COQ8A: variants seen among roughly 807,000 people sequenced by gnomAD.
COQ8A encodes coenzyme Q8A.
A neutral mutation model predicts 65.0 loss-of-function variants in COQ8A; 51 were observed. The ratio of observed to expected loss-of-function variants is 0.78; its 90% confidence interval spans 0.63 to 0.99. The LOEUF is 0.99. COQ8A is among the 50% of genes least tolerant of loss of function. The pLI is 0.00. For synonymous variants in COQ8A, 371 were observed against 353.2 expected (o/e 1.05, Z -0.57); for missense variants, 940 against 875.0 (o/e 1.07, Z -0.94).
chr1:226,940,965 G>A (rs1434436961), intron 1 of COQ8A, among the ~76,000 whole-genome samples: 1 of 152,142 alleles, frequency 6.6e-6, no homozygotes, highest in Non-Finnish European at 1.5e-5. Context: ...TCTTCCTTTC[G>A]CTTTTCTTTG....
chr1:226,969,483 G>T (rs1158670102), intron 4 of COQ8A, among the ~76,000 whole-genome samples: 1 of 152,082 alleles, frequency 6.6e-6, no homozygotes, highest in African/African-American at 2.4e-5. Flanking sequence ...TGATCCGCCC[G>T]CCTCGGCCTC....
chr1:226,982,993 G>A lies in COQ8A; in HGVS notation c.1039G>A (p.Ala347Thr). The change falls in exon 8 of 15, where the codon GCC becomes ACC. Residue 347 changes from alanine (A) to threonine (T), a missense_variant. Transcript: ENST00000366777. The stretch of plus-strand genomic sequence containing the variant: ...CGCATCCATTGGGCAGGTGCACTTG[G>A]CCCGAATGAAGGGCGGCCGCGAGGT... ...AAASIGQVHLARMKGGREVAM... is the reference protein window; with the variant it reads ...AAASIGQVHLTRMKGGREVAM... 9 of 1,600,012 alleles carry A rather than the reference G, an allele frequency of 5.6e-6. No homozygotes were observed. The highest frequency in any genetic ancestry group is 7.7e-6 in the Non-Finnish European group (9 of 1,174,034).
intron 1 of COQ8A, 138 bp from the exon 2 acceptor site, chr1:226,961,239 T>A: frequency 1.1e-6 from 1 of 910,722 alleles, no homozygotes; most frequent in Non-Finnish European, 1.7e-6. Context: ...GGCCCTTTCT[T>A]ATCTCTTAGC....
Position 226,987,054 on chromosome 1 carries a change from G to C in COQ8A, c.*317G>C, listed in dbSNP as rs1167240748. On this transcript the variant is annotated 3_prime_UTR_variant, in exon 15 of 15. Coordinates refer to ENST00000366777, the MANE Select transcript of COQ8A (RefSeq NM_020247.5). Reference sequence around the variant, plus strand: ...ATGTGAATGTTAAGCAGAAGGGAGAGAGTCCTTACTCCCTTCCAATCTCTG... The same window carrying C: ...ATGTGAATGTTAAGCAGAAGGGAGACAGTCCTTACTCCCTTCCAATCTCTG... 2.6e-5 allele frequency: 11 copies of C among 430,750 alleles called. No individual in the cohort carries two copies. The highest frequency in any genetic ancestry group is 4.3e-5 in the Non-Finnish European group (10 of 231,600). The allele number at this position is 430,750 out of a possible 1,614,324, so 26.7% of individuals were successfully genotyped here. A position where few individuals can be genotyped will look rare whatever the true frequency, so the allele number is the denominator to read the frequency against.
Position 226,984,864 on chromosome 1 carries a change from C to T in COQ8A, c.1507-12C>T. On this transcript the variant is annotated splice_polypyrimidine_tract_variant and intron_variant, in intron 12 of 14. Coordinates refer to ENST00000366777, the MANE Select transcript of COQ8A (RefSeq NM_020247.5). ...ACCAGGGCCAAACTTCTCCTGGTGT[C>T]TCTGTCCCCAGGTGGCTCTTTTGGA... The T allele has an allele frequency of 1.2e-6, 2 of 1,614,160 alleles. No homozygotes were observed. Among genetic ancestry groups the T allele is most frequent in the African/African-American group, 2.7e-5 (2 of 75,054 alleles).
rs370884928 is a variant in COQ8A at position 226,966,822 on chromosome 1, A to C, written c.655+1085A>C. On this transcript the variant is annotated intron_variant, in intron 4 of 14. Coordinates refer to ENST00000366777, the MANE Select transcript of COQ8A (RefSeq NM_020247.5). Reference sequence around the variant, plus strand: ...ACTGGTTCTGGGCAGAGGCTCACGTACTGTGCTCCCCGAGAGCCTGGTATT... The same window carrying C: ...ACTGGTTCTGGGCAGAGGCTCACGTCCTGTGCTCCCCGAGAGCCTGGTATT... Among the ~76,000 whole-genome samples, 3 of 152,242 alleles carry C rather than the reference A, an allele frequency of 2.0e-5. No homozygotes were observed. The East Asian group carries it at 5.8e-4, about 29-fold the overall frequency.
intron 1 of COQ8A, among the ~76,000 whole-genome samples, chr1:226,948,435 C>T (rs1479902166): frequency 6.6e-6 from 1 of 152,194 alleles, no homozygotes; most frequent in Non-Finnish European, 1.5e-5. Context: ...TGCAAAGTCC[C>T]ATTTGCAGGT....
chr1:226,965,394 A>G lies in COQ8A; in HGVS notation c.572A>G (p.Lys191Arg). Residue 191 changes from lysine (K) to arginine (R), a missense_variant, in exon 3 of 15, where the codon AAG becomes AGG. By Grantham distance (26) the Lys-to-Arg change is conservative. Coordinates refer to ENST00000366777, the MANE Select transcript of COQ8A (RefSeq NM_020247.5). ...ARQAKARPEN[K>R]QHKQTLSEHA... is the part of the protein sequence containing the mutation. ...CAGGCTAAGGCTCGCCCCGAGAACA[A>G]GCAGCACAAACAGACGGTGCGTATG... 1 of 1,610,222 alleles carries G rather than the reference A, an allele frequency of 6.2e-7. No individual in the cohort carries two copies. The highest frequency in any genetic ancestry group is 8.5e-7 in the Non-Finnish European group (1 of 1,179,172).
intron 1 of COQ8A, among the ~76,000 whole-genome samples, chr1:226,947,342 AT>A (rs1657102156): frequency 6.6e-6 from 1 of 152,194 alleles, no homozygotes; most frequent in Non-Finnish European, 1.5e-5. Context: ...ATGAGCTTTA[AT>A]TATCCTATCA....
At chr1:226,955,090 C>T (rs916091780) in intron 1 of COQ8A, among the ~76,000 whole-genome samples, 8 of 151,988 alleles carry the variant, frequency 5.3e-5, no homozygotes, top group Admixed American at 3.9e-4. Context: ...CCATGGTGAA[C>T]GGTTGCTGCA....
At chr1:226,978,941 C>CCCACACACCACCTTACACACTCT (rs1659525022) in intron 5 of COQ8A, among the ~76,000 whole-genome samples, 1 of 150,284 alleles carries the variant, frequency 6.7e-6, no homozygotes, top group Non-Finnish European at 1.5e-5. Flanking sequence ...CCACCACACA[C>CCCACACACCACCTTACACACTCT]CCACACACCT....
intron 4 of COQ8A, among the ~76,000 whole-genome samples, chr1:226,976,535 C>T (rs1027142193): frequency 6.6e-6 from 1 of 152,188 alleles, no homozygotes; most frequent in African/African-American, 2.4e-5. Context: ...CCATGGTCAC[C>T]GTGCCCAGCC....
At chr1:226,962,725 A>G (rs1425563479) in intron 2 of COQ8A, among the ~76,000 whole-genome samples, 1 of 152,168 alleles carries the variant, frequency 6.6e-6, no homozygotes, top group African/African-American at 2.4e-5. Flanking sequence ...AGGATCCCAC[A>G]GTGATACAGT....
rs958011994 is a variant in COQ8A at position 226,982,680 on chromosome 1, G to A, written c.856G>A (p.Asp286Asn). The A allele has an allele frequency of 6.2e-7, 1 of 1,613,278 alleles. No homozygotes were observed. Among genetic ancestry groups the A allele is most frequent in the Non-Finnish European group, 8.5e-7 (1 of 1,179,984 alleles). ...TGTGTCATTCTCCTGCCTTCCAGAT[G>A]ATGCCTTTATCAACCCCCACCTGGC... ...KLGQMLSIQD[D>N]AFINPHLAKI... Residue 286 changes from aspartate to asparagine, a missense_variant and splice_region_variant, in exon 7 of 15, where the codon GAT (aspartate) becomes AAT (asparagine). Coordinates refer to ENST00000366777, the MANE Select transcript of COQ8A (RefSeq NM_020247.5).
Position 226,972,591 on chromosome 1 carries a change from CT to C in COQ8A, c.656-4857del, listed in dbSNP as rs2148083421. Among the ~76,000 whole-genome samples the C allele has an allele frequency of 6.6e-6, 1 of 152,310 alleles. No homozygotes were observed. The highest frequency in any genetic ancestry group is 2.1e-4 in the South Asian group (1 of 4,826). On this transcript the variant is annotated intron_variant, in intron 4 of 14. Transcript: ENST00000366777. The surrounding 1 kb of genome is among the most constrained non-coding windows in gnomAD (Gnocchi z 4.3). ...TGTTAGAAAACAGGCATTGCTTAGG[CT>C]GTTGGCTCTTGTTGCTTAATTTCCC...
chr1:226,947,309 C>T (rs1657097741), intron 1 of COQ8A, among the ~76,000 whole-genome samples: 1 of 152,088 alleles, frequency 6.6e-6, no homozygotes, highest in Non-Finnish European at 1.5e-5. Context: ...CAGCTTTGGC[C>T]CTTAGGAGAT....
chr1:226,961,705 C>T (rs1407009065), intron 2 of COQ8A, 143 bp downstream of exon 2: 13 of 1,043,806 alleles, frequency 1.2e-5, no homozygotes, highest in East Asian at 2.6e-5. Flanking sequence ...GTCCCACGGT[C>T]CTTCCAGGGT....
intron 4 of COQ8A, among the ~76,000 whole-genome samples, chr1:226,974,490 G>A (rs1272859813): frequency 1.3e-5 from 2 of 152,228 alleles, no homozygotes; most frequent in Non-Finnish European, 1.5e-5. Flanking sequence ...TGGGGGTGCC[G>A]AGTGGGGTCC....
At chr1:226,983,367 T>A in intron 8 of COQ8A, 185 bp from the exon 9 acceptor site, 1 of 689,906 alleles carries the variant, frequency 1.4e-6, no homozygotes. Flanking sequence ...CAGGAGTAGG[T>A]GGACAACGAG....
Sources: gnomAD v4.1 joint callset for allele counts (sites outside exome capture counted in the v4.1 genomes callset) on GRCh38, gnomAD v4.1.1 for gene constraint, Gnocchi (gnomAD v3.1) non-coding constraint, MANE v1.5 for transcripts, NCBI Gene and HGNC (gene_info 2026-07-23, HGNC 2026-07-21) for gene names.